Variants in NTPCR observed in about 807,000 individuals in gnomAD.
NTPCR encodes the protein nucleoside-triphosphatase, cancer-related, also known as cancer-related nucleoside-triphosphatase.
A neutral mutation model predicts 19.5 loss-of-function variants in NTPCR; 15 were observed. That is an observed-to-expected ratio of 0.77 (90% CI 0.51 to 1.18). The LOEUF is 1.18. NTPCR is among the 50% of genes most tolerant of loss of function. NTPCR has a pLI of 0.00. For missense variants in NTPCR, 206 were observed against 240.4 expected (o/e 0.86, Z 0.95); for synonymous variants, 90 against 95.8 (o/e 0.94, Z 0.36).
Position 232,961,431 on chromosome 1 carries a change from A to G in NTPCR, c.294+4988A>G, listed in dbSNP as rs187882918. Among the ~76,000 whole-genome samples the G allele has an allele frequency of 2.1e-4, 32 of 152,134 alleles. No individual in the cohort carries two copies. In the East Asian group the frequency reaches 3.7e-3, roughly 17 times the overall value. On this transcript the variant is annotated intron_variant, in intron 3 of 4. Transcript: ENST00000366628. ...TGAGCACTCTACTTATTTTCAACAC[A>G]CTGCTTTGTTTTGATTTGCATTTTT...
intron 3 of NTPCR, chr1:232,963,947 C>G (rs532697944): frequency 2.6e-5 from 4 of 151,742 alleles, no homozygotes; most frequent in Admixed American, 6.6e-5. Context: ...GTACTTTACT[C>G]CTAAATGTTC....
rs777835465 is a variant in NTPCR at position 232,956,446 on chromosome 1, G to C, written c.294+3G>C. On this transcript the variant is annotated splice_donor_region_variant and intron_variant, in intron 3 of 4. Coordinates refer to ENST00000366628, the MANE Select transcript of NTPCR (RefSeq NM_032324.3). ...TGGCACTACCCGTCTTGAGGAATGT[G>C]AGTACGTGATTTCTGCTTTTTGAAC... 2 of 1,599,842 alleles carry C rather than the reference G, an allele frequency of 1.3e-6. No homozygotes were observed. Among genetic ancestry groups the C allele is most frequent in the Admixed American group, 1.7e-5 (1 of 59,958 alleles).
At chr1:232,969,141 C>T (rs1163811049) in intron 3 of NTPCR, 1 of 152,274 alleles carries the variant, frequency 6.6e-6, no homozygotes, top group Non-Finnish European at 1.5e-5. Flanking sequence ...GGCCCTGCCT[C>T]TAAGCTTGCT....
intron 3 of NTPCR, among the ~76,000 whole-genome samples, chr1:232,957,307 G>C (rs1357840960): frequency 6.6e-6 from 1 of 152,140 alleles, no homozygotes; most frequent in Non-Finnish European, 1.5e-5. Flanking sequence ...GAATTCACTA[G>C]AGAAGCCATG....
rs939846931 is a variant in NTPCR, at chr1:232,980,900, A to C, written c.*2669A>C. On this transcript the variant is annotated 3_prime_UTR_variant, in exon 5 of 5. Transcript: ENST00000366628. ...GCAGATTGAAGTCAGGGATTCTCTT[A>C]TACCTGAGTTTGGAATGCCTCCTAT... The C allele has an allele frequency of 6.6e-6, 1 of 152,228 alleles. No homozygotes were observed. The highest frequency in any genetic ancestry group is 2.4e-5 in the African/African-American group (1 of 41,474). The allele number at this position is 152,228 out of a possible 1,614,324, so 9.4% of individuals were successfully genotyped here. A position where few individuals can be genotyped will look rare whatever the true frequency, so the allele number is the denominator to read the frequency against.
At chr1:232,967,311 A>G (rs1668848453) in intron 3 of NTPCR, 1 of 152,204 alleles carries the variant, frequency 6.6e-6, no homozygotes, top group Admixed American at 6.5e-5. Flanking sequence ...AGAGTGGCTC[A>G]GCAGCTGACA....
At chr1:232,977,861 A>G (rs954636585) in intron 4 of NTPCR, among the ~76,000 whole-genome samples, 1 of 151,832 alleles carries the variant, frequency 6.6e-6, no homozygotes, top group Non-Finnish European at 1.5e-5. Flanking sequence ...TGTGCCCATC[A>G]TCCGTCCCGG....
In NTPCR at chr1:232,956,338, T is replaced by C. The variant is rs1571953542; in HGVS notation, c.198-9T>C. ...TTTTCAACAAAGAACATAATGTCTT[T>C]TCCTTCAGGTTAGAGCCTCCACCTG... On this transcript the variant is annotated splice_polypyrimidine_tract_variant and intron_variant, in intron 2 of 4. Coordinates refer to ENST00000366628, the MANE Select transcript of NTPCR (RefSeq NM_032324.3). 6.2e-7 allele frequency: 1 copy of C among 1,605,436 alleles called. No homozygotes were observed.
At chr1:232,954,130 T>G (rs1668449482) in intron 1 of NTPCR, among the ~76,000 whole-genome samples, 2 of 152,222 alleles carry the variant, frequency 1.3e-5, no homozygotes, top group Admixed American at 6.5e-5. Context: ...TGCCATTACT[T>G]GCATGAAACA....
At chr1:232,958,849 G>T (rs974003034) in intron 3 of NTPCR, among the ~76,000 whole-genome samples, 1 of 152,160 alleles carries the variant, frequency 6.6e-6, no homozygotes, top group Admixed American at 6.5e-5. Context: ...TCAATACAAA[G>T]AATTTTTTAC....
intron 3 of NTPCR, chr1:232,965,583 C>A (rs1214583676): frequency 6.6e-6 from 1 of 152,380 alleles, no homozygotes; most frequent in Non-Finnish European, 1.5e-5. Flanking sequence ...AGAGGAGCCT[C>A]CCTTCACAAT....
intron 4 of NTPCR, among the ~76,000 whole-genome samples, chr1:232,971,793 C>T (rs1427624180): frequency 6.6e-6 from 1 of 152,170 alleles, no homozygotes; most frequent in African/African-American, 2.4e-5. Context: ...GGGAAGGTCT[C>T]TTCAAGGAGG....
At position 232,981,452 on chromosome 1, in the gene NTPCR, A is replaced by G. The variant is rs947295583; in HGVS notation, c.*3221A>G. 2 of 152,244 alleles carry G rather than the reference A, an allele frequency of 1.3e-5. No homozygotes were observed. Among genetic ancestry groups the G allele is most frequent in the African/African-American group, 4.8e-5 (2 of 41,448 alleles). 9.4% of individuals were successfully genotyped at this position (152,244 alleles called of 1,614,324 possible). ...TGCTGATGGCGGATGCTTGTGTAGCATAGTGACTTGGGACAAAACAGCATG... is the reference window on the plus strand; with the variant it reads ...TGCTGATGGCGGATGCTTGTGTAGCGTAGTGACTTGGGACAAAACAGCATG... On this transcript the variant is annotated 3_prime_UTR_variant, in exon 5 of 5. Coordinates refer to ENST00000366628, the MANE Select transcript of NTPCR (RefSeq NM_032324.3).
rs779398876 is a variant in NTPCR at position 232,955,547 on chromosome 1, TTTA to T, written c.35-7_35-5del. ...CTTTTCTTCTTTTTTTTTTTTTTTT[TTTA>T]TTTTAGGAGTTGGAAAAACAACATT... On this transcript the variant is annotated splice_region_variant and splice_polypyrimidine_tract_variant and intron_variant, in intron 1 of 4. Coordinates refer to ENST00000366628, the MANE Select transcript of NTPCR (RefSeq NM_032324.3). The T allele has an allele frequency of 5.0e-5, 75 of 1,493,026 alleles. No individual in the cohort carries two copies. The highest frequency in any genetic ancestry group is 3.1e-4 in the South Asian group (23 of 75,150). 92.5% of individuals were successfully genotyped at this position (1,493,026 alleles called of 1,614,324 possible).
chr1:232,956,386 G>T lies in NTPCR; in HGVS notation c.237G>T (p.Gly79=). 5.0e-6 allele frequency: 8 copies of T among 1,613,982 alleles called. No homozygotes were observed. The highest frequency in any genetic ancestry group is 6.8e-6 in the Non-Finnish European group (8 of 1,179,874). ...PPPGKRECRV[G]QYVVDLTSFE... Reference sequence around the variant, plus strand: ...CTGGAAAACGTGAATGCCGAGTTGGGCAGTATGTGGTCGACCTGACTTCTT... The same window carrying T: ...CTGGAAAACGTGAATGCCGAGTTGGTCAGTATGTGGTCGACCTGACTTCTT... Residue 79 remains glycine (G), a synonymous_variant, in exon 3 of 5, where the codon GGG becomes GGT. Transcript: ENST00000366628.
intron 1 of NTPCR, 166 bp downstream of exon 1, chr1:232,950,910 C>T (rs1431180013): frequency 5.2e-6 from 3 of 572,618 alleles, no homozygotes; most frequent in African/African-American, 2.0e-5. Context: ...GTACTCCTTC[C>T]CGGAAAACGT....
chr1:232,959,298 A>G (rs943948313), intron 3 of NTPCR, among the ~76,000 whole-genome samples: 3 of 152,178 alleles, frequency 2.0e-5, no homozygotes, highest in African/African-American at 7.2e-5. Flanking sequence ...CACGTGAAGA[A>G]TATCCTTGCT....
At position 232,982,562 on chromosome 1, in the gene NTPCR, A is replaced by C. The variant is rs754420691; in HGVS notation, c.*4331A>C. The C allele has an allele frequency of 2.0e-5, 3 of 152,258 alleles. No homozygotes were observed. Among genetic ancestry groups the C allele is most frequent in the Non-Finnish European group, 2.9e-5 (2 of 68,060 alleles). The allele number at this position is 152,258 out of a possible 1,614,324, so 9.4% of individuals were successfully genotyped here. A position where few individuals can be genotyped will look rare whatever the true frequency, so the allele number is the denominator to read the frequency against. ...AGAATAACTGTTGAAGAAGCACCTC[A>C]TGAACCTCCCCAGAGAAACGGGATG... On this transcript the variant is annotated 3_prime_UTR_variant, in exon 5 of 5. Transcript: ENST00000366628.
chr1:232,974,159 C>T (rs529008097), intron 4 of NTPCR, among the ~76,000 whole-genome samples: 1 of 152,178 alleles, frequency 6.6e-6, no homozygotes. Flanking sequence ...GAAAGCAGCA[C>T]CTTACCTATA....
Sources: gnomAD v4.1 joint callset for allele counts (sites outside exome capture counted in the v4.1 genomes callset) on GRCh38, gnomAD v4.1.1 for gene constraint, MANE v1.5 for transcripts, NCBI Gene and HGNC (gene_info 2026-07-23, HGNC 2026-07-21) for gene names.